The following SCEL variants were observed in gnomAD, a reference collection of about 807,000 sequenced individuals.
The protein encoded by SCEL is sciellin.
In SCEL, 113 loss-of-function variants were observed where a neutral mutation model predicts 117.6. The ratio of observed to expected loss-of-function variants is 0.96; its 90% CI spans 0.83 to 1.12. The LOEUF (loss-of-function observed/expected upper bound fraction) is 1.12, where lower values mean the gene tolerates loss of function less well. SCEL is among the 50% of genes most tolerant of loss of function. SCEL has a pLI of 0.00. For missense variants in SCEL, 785 were observed against 810.8 expected (o/e 0.97, Z 0.39); for synonymous variants, 270 against 256.2 (o/e 1.05, Z -0.51).
At chr13:77,636,914 A>C (rs2090305587) in intron 29 of SCEL, among the ~76,000 whole-genome samples, 1 of 151,926 alleles carries the variant, frequency 6.6e-6, no homozygotes, top group Non-Finnish European at 1.5e-5. Flanking sequence ...CCTACTCTCT[A>C]TTTATTTTGG....
At chr13:77,606,866 T>G (rs2088237109) in intron 19 of SCEL, among the ~76,000 whole-genome samples, 1 of 152,090 alleles carries the variant, frequency 6.6e-6, no homozygotes, top group Non-Finnish European at 1.5e-5. Context: ...GATGTTCTTT[T>G]CCCTATGTGG....
At chr13:77,553,426 A>G (rs2084461207) in intron 1 of SCEL, among the ~76,000 whole-genome samples, 1 of 150,296 alleles carries the variant, frequency 6.7e-6, no homozygotes, top group Non-Finnish European at 1.5e-5. Context: ...CCAGGTCTTT[A>G]TCGGCTAAGA....
At chr13:77,568,953 TA>T (rs1480921447) in intron 7 of SCEL, among the ~76,000 whole-genome samples, 1 of 152,234 alleles carries the variant, frequency 6.6e-6, no homozygotes, top group African/African-American at 2.4e-5. Context: ...CATATATGAA[TA>T]AATGCCAGAT....
chr13:77,536,088 G>C (rs1347850725), intron 1 of SCEL, among the ~76,000 whole-genome samples: 1 of 152,012 alleles, frequency 6.6e-6, no homozygotes, highest in African/African-American at 2.4e-5. Context: ...GGTGGGAGCT[G>C]TCAGCTGGTG....
At chr13:77,539,034 A>T (rs1478147053) in intron 1 of SCEL, among the ~76,000 whole-genome samples, 1 of 152,192 alleles carries the variant, frequency 6.6e-6, no homozygotes, top group Non-Finnish European at 1.5e-5. Context: ...AGTTCTCCCC[A>T]GGGTTCCCTC....
chr13:77,571,395 AT>A (rs1197204710), intron 8 of SCEL, among the ~76,000 whole-genome samples: 343 of 124,340 alleles, frequency 2.8e-3, no homozygotes, highest in Non-Finnish European at 3.9e-3. Context: ...AAAAAAAAAA[AT>A]TATATTTTGA....
At chr13:77,629,515 T>C (rs1341340346) in intron 28 of SCEL, among the ~76,000 whole-genome samples, 2 of 152,212 alleles carry the variant, frequency 1.3e-5, no homozygotes, top group African/African-American at 4.8e-5. Context: ...ATTCATTTTA[T>C]GAATGTATTC....
intron 9 of SCEL, among the ~76,000 whole-genome samples, chr13:77,577,060 T>TA (rs2085984528): frequency 6.6e-6 from 1 of 152,150 alleles, no homozygotes; most frequent in Non-Finnish European, 1.5e-5. Flanking sequence ...GTTTTCTAGA[T>TA]ATAGGATCAT....
chr13:77,604,890 T>C (rs1030716674), intron 19 of SCEL, among the ~76,000 whole-genome samples: 1 of 152,140 alleles, frequency 6.6e-6, no homozygotes, highest in Non-Finnish European at 1.5e-5. Context: ...TAAGTGTGTG[T>C]GCGTATGTAT....
chr13:77,580,558 TCTAA>T (rs1352478889), intron 9 of SCEL, among the ~76,000 whole-genome samples: 2 of 152,206 alleles, frequency 1.3e-5, no homozygotes, highest in East Asian at 3.8e-4. Context: ...TTCAAATGAT[TCTAA>T]CTGTGTATTT....
rs34794176 is a variant in SCEL, at chr13:77,559,817, G to A, written c.175G>A (p.Gly59Ser). Residue 59 changes from glycine (G) to serine (S), a missense_variant, in exon 4 of 33, where the codon GGT becomes AGT. Gly to Ser is a moderately conservative substitution (Grantham distance 56). Coordinates refer to ENST00000349847, the MANE Select transcript of SCEL (RefSeq NM_144777.3). ...CTTTCTTTGCAGAGATGAAAATTACGGTAGGGTGGTGCTCAACCGACATAA... is the reference window on the plus strand; with the variant it reads ...CTTTCTTTGCAGAGATGAAAATTACAGTAGGGTGGTGCTCAACCGACATAA... ...RPEEEKDENY[G>S]RVVLNRHNSH... The A allele has an allele frequency of 1.1e-5, 18 of 1,613,584 alleles. No homozygotes were observed. Among genetic ancestry groups the A allele is most frequent in the African/African-American group, 6.7e-5 (5 of 74,908 alleles).
chr13:77,584,150 A>G (rs915917070), intron 9 of SCEL, among the ~76,000 whole-genome samples: 2 of 152,162 alleles, frequency 1.3e-5, no homozygotes, highest in African/African-American at 4.8e-5. Flanking sequence ...AGATCATTCC[A>G]ATGAATGTCT....
chr13:77,601,965 G>T (rs907985947), intron 15 of SCEL, 100 bp from the exon 16 acceptor site: 11 of 851,486 alleles, frequency 1.3e-5, no homozygotes, highest in Non-Finnish European at 1.6e-5. Flanking sequence ...AGATTCTCTT[G>T]TGGGAAATCT....
intron 27 of SCEL, among the ~76,000 whole-genome samples, chr13:77,621,823 G>T (rs903720691): frequency 6.6e-6 from 1 of 152,124 alleles, no homozygotes; most frequent in Non-Finnish European, 1.5e-5. Flanking sequence ...TGGTCTCCTT[G>T]CTTGAGCCAA....
chr13:77,624,690 G>A (rs1190254660), intron 27 of SCEL, among the ~76,000 whole-genome samples: 1 of 152,194 alleles, frequency 6.6e-6, no homozygotes, highest in Admixed American at 6.5e-5. Flanking sequence ...GGTGAAGTAA[G>A]GCAGGTCCTG....
chr13:77,561,557 G>A (rs1371591514), intron 4 of SCEL, among the ~76,000 whole-genome samples: 12 of 152,190 alleles, frequency 7.9e-5, no homozygotes, highest in Admixed American at 1.3e-4. Context: ...TGCAGAGGAT[G>A]TCTTTACCTT....
At chr13:77,538,546 G>A (rs373985227) in intron 1 of SCEL, among the ~76,000 whole-genome samples, 11 of 152,124 alleles carry the variant, frequency 7.2e-5, no homozygotes, top group Admixed American at 2.0e-4. Context: ...TCACATGGAT[G>A]CTTTGCCAAA....
chr13:77,628,927 G>A (rs995963808), intron 28 of SCEL, among the ~76,000 whole-genome samples: 4 of 152,090 alleles, frequency 2.6e-5, no homozygotes, highest in African/African-American at 4.8e-5. Context: ...TAAATTTTCA[G>A]TAGAATCTGC....
rs147775607 is a variant in SCEL at position 77,539,792 on chromosome 13, C to A, written c.-20+3968C>A. ...CACGTGGTCTGCCCGCCTCTGCCTCCCAAAGTGCTGGGATTACAGGCGTGA... is the reference window on the plus strand; with the variant it reads ...CACGTGGTCTGCCCGCCTCTGCCTCACAAAGTGCTGGGATTACAGGCGTGA... On this transcript the variant is annotated intron_variant, in intron 1 of 32. Transcript: ENST00000349847. 4.4e-3 allele frequency among the ~76,000 whole-genome samples: 666 copies of A among 152,236 alleles called. 7 individuals are homozygous for A. Among genetic ancestry groups the A allele is most frequent in the African/African-American group, 0.014 (594 of 41,540 alleles).
Sources: gnomAD v4.1 joint callset for allele counts (sites outside exome capture counted in the v4.1 genomes callset) on GRCh38, gnomAD v4.1.1 for gene constraint, MANE v1.5 for transcripts, NCBI Gene and HGNC (gene_info 2026-07-23, HGNC 2026-07-21) for gene names.